The following OPCML variants were observed in gnomAD, a reference collection of about 807,000 sequenced individuals.
The protein encoded by OPCML is opioid-binding protein/cell adhesion molecule.
A neutral mutation model predicts 37.8 loss-of-function variants in OPCML; 13 were observed. That is an observed-to-expected ratio of 0.34 (90% confidence interval 0.22 to 0.55). OPCML has a LOEUF of 0.55. Among genes scored for constraint, OPCML ranks in the 20% least tolerant of loss-of-function variants. The pLI, the probability that OPCML is intolerant of heterozygous loss-of-function variation, is 0.91. For missense variants in OPCML, 341 were observed against 435.6 expected, an observed-to-expected ratio of 0.78 and a Z score of 1.93; for synonymous variants, 176 against 168.8, an observed-to-expected ratio of 1.04 and a Z score of -0.33.
chr11:132,466,773 C>T (rs1022678741), intron 4 of OPCML, among the ~76,000 whole-genome samples: 2 of 152,058 alleles, frequency 1.3e-5, no homozygotes, highest in Middle Eastern at 3.2e-3. Context: ...GCTGGAGCCT[C>T]GGGTCCGTGT....
intron 1 of OPCML, among the ~76,000 whole-genome samples, chr11:133,043,352 C>A (rs114759267): frequency 5.3e-5 from 8 of 152,176 alleles, no homozygotes; most frequent in Non-Finnish European, 1.2e-4. Flanking sequence ...TCTTAAGGAG[C>A]CATTCTTCTC....
intron 3 of OPCML, among the ~76,000 whole-genome samples, chr11:132,576,414 T>C (rs748497154): frequency 6.6e-6 from 1 of 152,082 alleles, no homozygotes; most frequent in African/African-American, 2.4e-5. Flanking sequence ...ATCTAGCCTG[T>C]TGTTGAACTC....
Position 132,708,849 on chromosome 11 carries a change from A to G in OPCML, c.147-51530T>C, listed in dbSNP as rs1323528472. Among the ~76,000 whole-genome samples the G allele has an allele frequency of 2.0e-5, 3 of 152,210 alleles. No homozygotes were observed. The East Asian group carries it at 5.8e-4, about 29-fold the overall frequency. The stretch of plus-strand genomic sequence containing the variant: ...GGCTACCAGTGTCACCAGATATTAA[A>G]CGATAATGAAAAAGGCTTAGCACTT... On this transcript the variant is annotated intron_variant, in intron 2 of 7. Coordinates refer to ENST00000524381, the MANE Select transcript of OPCML (RefSeq NM_001012393.5).
At chr11:132,942,245 A>G (rs1046028111) in intron 2 of OPCML, among the ~76,000 whole-genome samples, 1 of 152,154 alleles carries the variant, frequency 6.6e-6, no homozygotes, top group African/African-American at 2.4e-5. Flanking sequence ...CATGCAAGTG[A>G]TTCTCTGTAA....
intron 1 of OPCML, among the ~76,000 whole-genome samples, chr11:133,093,731 A>G (rs934676140): frequency 6.6e-6 from 1 of 152,058 alleles, no homozygotes; most frequent in Non-Finnish European, 1.5e-5. Flanking sequence ...GACGTTGAAT[A>G]TAGACTGTGT....
At chr11:133,305,399 A>C (rs1167142943) in intron 1 of OPCML, among the ~76,000 whole-genome samples, 1 of 152,220 alleles carries the variant, frequency 6.6e-6, no homozygotes, top group African/African-American at 2.4e-5. Context: ...GTGGGAGGTT[A>C]AAGAGCCTTC....
chr11:132,476,124 C>A (rs1176988268), intron 4 of OPCML, among the ~76,000 whole-genome samples: 1 of 152,134 alleles, frequency 6.6e-6, no homozygotes, highest in Non-Finnish European at 1.5e-5. Flanking sequence ...TATTTACATG[C>A]AAATTTCAAA....
Position 133,189,177 on chromosome 11 carries a change from G to T in OPCML, c.62-246167C>A, listed in dbSNP as rs548747529. Among the ~76,000 whole-genome samples, 113 of 151,954 alleles carry T rather than the reference G, an allele frequency of 7.4e-4. 2 individuals carry two copies. The South Asian group carries it at 0.023, about 31-fold the overall frequency. On this transcript the variant is annotated intron_variant, in intron 1 of 7. Transcript: ENST00000524381. ...GACTTCCCATCCATCACTATGTCCT[G>T]GTTCTTCTTCCCTCAATATATATTT... is the stretch of plus-strand genomic sequence containing the variant.
chr11:133,421,990 T>C (rs141850807), intron 1 of OPCML: 1 of 363,816 alleles, frequency 2.7e-6, no homozygotes, highest in African/African-American at 2.2e-5. Context: ...AATTATACTT[T>C]AAGTTCTGGG....
chr11:132,756,741 C>T (rs964880291), intron 2 of OPCML, among the ~76,000 whole-genome samples: 1 of 152,172 alleles, frequency 6.6e-6, no homozygotes, highest in African/African-American at 2.4e-5. Flanking sequence ...TATAGAATGC[C>T]GTACTAAGAA....
intron 1 of OPCML, among the ~76,000 whole-genome samples, chr11:133,010,264 G>A (rs968114995): frequency 1.3e-5 from 2 of 152,104 alleles, no homozygotes; most frequent in African/African-American, 4.8e-5. Flanking sequence ...GGGCTGCCAG[G>A]GATCAGAGCT....
chr11:133,191,508 T>TGG (rs1394292214), intron 1 of OPCML, among the ~76,000 whole-genome samples: 6 of 148,242 alleles, frequency 4.0e-5, no homozygotes, highest in Admixed American at 1.3e-4. Context: ...TGTGTGGGTG[T>TGG]GTGTGTGTGT....
At chr11:133,076,457 C>T (rs776350648) in intron 1 of OPCML, among the ~76,000 whole-genome samples, 1 of 152,110 alleles carries the variant, frequency 6.6e-6, no homozygotes, top group African/African-American at 2.4e-5. Flanking sequence ...ATATGGGGTT[C>T]CATTTAAGAT....
intron 4 of OPCML, among the ~76,000 whole-genome samples, chr11:132,454,205 A>G (rs992741354): frequency 1.2e-4 from 18 of 152,230 alleles, no homozygotes; most frequent in African/African-American, 4.3e-4. Flanking sequence ...TGTATGGTCT[A>G]TAATTTTAGA....
intron 1 of OPCML, among the ~76,000 whole-genome samples, chr11:133,375,285 C>T (rs1358068721): frequency 6.6e-6 from 1 of 152,238 alleles, no homozygotes; most frequent in East Asian, 1.9e-4. Flanking sequence ...GTATATACCA[C>T]TCCACCACCT....
intron 1 of OPCML, among the ~76,000 whole-genome samples, chr11:133,303,292 A>C (rs1942828042): frequency 6.6e-6 from 1 of 152,200 alleles, no homozygotes; most frequent in Non-Finnish European, 1.5e-5. Flanking sequence ...GCACTTCAAA[A>C]GTATTTAAGC....
At chr11:133,220,575 C>T (rs10444322) in intron 1 of OPCML, among the ~76,000 whole-genome samples, 52,757 of 151,952 alleles carry the variant, frequency 0.35, 9,615 homozygotes, top group African/African-American at 0.45. Context: ...CCAGCACATG[C>T]TTCCTCAAGG....
intron 1 of OPCML, among the ~76,000 whole-genome samples, chr11:133,474,036 C>T (rs1317106084): frequency 6.6e-6 from 1 of 152,200 alleles, no homozygotes; most frequent in Non-Finnish European, 1.5e-5. Flanking sequence ...TAGTATACCT[C>T]TTTGGTACAT....
chr11:132,525,648 C>G (rs1174550311), intron 4 of OPCML, among the ~76,000 whole-genome samples: 1 of 152,184 alleles, frequency 6.6e-6, no homozygotes, highest in East Asian at 1.9e-4. Context: ...TATTGGCAGT[C>G]ACCCTGCAGA....
Sources: gnomAD v4.1 joint callset for allele counts (sites outside exome capture counted in the v4.1 genomes callset) on GRCh38, gnomAD v4.1.1 for gene constraint, MANE v1.5 for transcripts, NCBI Gene and HGNC (gene_info 2026-07-23, HGNC 2026-07-21) for gene names.